The following EIF4G2 variants were observed in gnomAD, a reference collection of about 807,000 sequenced individuals.
EIF4G2 encodes DAP-5.
EIF4G2 carries 8 observed loss-of-function variants against 117.7 expected under a neutral mutation model. The observed-to-expected ratio is 0.07, with a 90% confidence interval of 0.04 to 0.12. The LOEUF is 0.12. Ranked by LOEUF, EIF4G2 falls within the 10% of genes least tolerant of loss-of-function variation. The pLI is 1.00. For synonymous variants in EIF4G2, 413 were observed against 367.8 expected, an observed-to-expected ratio of 1.12 and a Z score of -1.41; for missense variants, 812 against 1,086.2, an observed-to-expected ratio of 0.75 and a Z score of 3.55.
Position 10,803,387 on chromosome 11 carries a change from G to A in EIF4G2, c.813+93C>T. ...TTCTAAAATTATAACCCAGTTAATG[G>A]CTAAATATGGCAATCCCTTATGATG... On this transcript the variant is annotated intron_variant, in intron 9 of 21. Transcript: ENST00000339995. This position sits in a 1 kb window ranked among gnomAD's most constrained non-coding sequence, Gnocchi z 4.0. The A allele has an allele frequency of 6.5e-7, 1 of 1,549,152 alleles. No individual in the cohort carries two copies. The highest frequency in any genetic ancestry group is 2.2e-5 in the East Asian group (1 of 44,470).
chr11:10,799,856 G>T, intron 18 of EIF4G2, 100 bp from the exon 19 acceptor site: 1 of 1,380,884 alleles, frequency 7.2e-7, no homozygotes, highest in Non-Finnish European at 9.8e-7. Flanking sequence ...AAGTATGTAA[G>T]ATCCATGTAG....
At chr11:10,806,912 T>C in intron 2 of EIF4G2, 27 bp from the exon 3 acceptor site, 1 of 1,607,454 alleles carries the variant, frequency 6.2e-7, no homozygotes, top group Non-Finnish European at 8.5e-7. Flanking sequence ...AATTGTTTAC[T>C]GTATCCCAAC....
rs752567298 is a variant in EIF4G2, at chr11:10,808,384, T to C, written c.-87+321A>G. ...GTGCCTCCCGCCACGGCGCTAGCGG[T>C]CCGAGCCACGCTCCCTCGCCGTCCG... On this transcript the variant is annotated intron_variant, in intron 1 of 21. Coordinates refer to ENST00000339995, the MANE Select transcript of EIF4G2 (RefSeq NM_001418.4). 12 of 1,240,776 alleles carry C rather than the reference T, an allele frequency of 9.7e-6. No homozygotes were observed. In the South Asian group the frequency reaches 1.6e-4, roughly 16 times the overall value. The allele number at this position is 1,240,776 out of a possible 1,614,324, so 76.9% of individuals were successfully genotyped here.
At chr11:10,799,173 G>C in intron 20 of EIF4G2, 40 bp downstream of exon 20, 1 of 1,604,100 alleles carries the variant, frequency 6.2e-7, no homozygotes, top group Non-Finnish European at 8.5e-7. Flanking sequence ...TTCTGTTTAA[G>C]AACTTCCTCA....
Position 10,803,306 on chromosome 11 carries a change from A to G in EIF4G2, c.814-12T>C, listed in dbSNP as rs1418556824. ...TGATCCATTAAGGACTGATAAGAGA[A>G]GAATACATTCATTGGAAGAGCTAAA... On this transcript the variant is annotated splice_polypyrimidine_tract_variant and intron_variant, in intron 9 of 21. Transcript: ENST00000339995. The surrounding 1 kb of genome is among the most constrained non-coding windows in gnomAD (Gnocchi z 4.0). 3 of 1,611,310 alleles carry G rather than the reference A, an allele frequency of 1.9e-6. No homozygotes were observed. Among genetic ancestry groups the G allele is most frequent in the Non-Finnish European group, 2.5e-6 (3 of 1,179,036 alleles).
In EIF4G2 at chr11:10,804,321, G is replaced by A. The variant is rs144703339; in HGVS notation, c.449C>T (p.Ala150Val). 6.1e-5 allele frequency: 98 copies of A among 1,614,056 alleles called. No individual in the cohort carries two copies. The highest frequency in any genetic ancestry group is 5.9e-6 in the Non-Finnish European group (7 of 1,180,034). ...CTTCTGTCCTGGTTGACCCTCTGCT[G>A]CTGGGCCATCAAAGTTTGGTGCATC... Residue 150 changes from alanine to valine, a missense_variant, in exon 6 of 22, where the codon GCA becomes GTA. Around this residue, in one of 4 missense-constraint regions of EIF4G2, gnomAD observed 154 missense variants for 322.1 expected, o/e 0.48. Coordinates refer to ENST00000339995, the MANE Select transcript of EIF4G2 (RefSeq NM_001418.4).
chr11:10,808,430 C>A, intron 1 of EIF4G2: 1 of 1,261,470 alleles, frequency 7.9e-7, no homozygotes, highest in Non-Finnish European at 1.0e-6. Flanking sequence ...TGCCTCGGTC[C>A]GCCACGGCCT....
In EIF4G2 at chr11:10,803,672, C is replaced by A. The variant is rs1325261468; in HGVS notation, c.703-82G>T. 2.3e-6 allele frequency: 3 copies of A among 1,290,850 alleles called. No individual in the cohort carries two copies. The highest frequency in any genetic ancestry group is 1.5e-5 in the African/African-American group (1 of 68,288). 80.0% of individuals were successfully genotyped at this position (1,290,850 alleles called of 1,614,324 possible). The stretch of plus-strand genomic sequence containing the variant: ...TACTTTCTTTCCCTTTATGTTTGCA[C>A]TGACTCATTCACAGTTCCTACAGAA... On this transcript the variant is annotated intron_variant, in intron 8 of 21. Coordinates refer to ENST00000339995, the MANE Select transcript of EIF4G2 (RefSeq NM_001418.4). This position sits in a 1 kb window ranked among gnomAD's most constrained non-coding sequence, Gnocchi z 4.0.
intron 11 of EIF4G2, among the ~76,000 whole-genome samples, chr11:10,802,707 A>G (rs956386475): frequency 7.2e-5 from 11 of 152,138 alleles, no homozygotes; most frequent in African/African-American, 2.7e-4. Context: ...CTCTACTAAA[A>G]ATACAAAAAA....
At chr11:10,804,841 TA>T in intron 5 of EIF4G2, 71 bp downstream of exon 5, 1 of 1,324,430 alleles carries the variant, frequency 7.6e-7, no homozygotes, top group Non-Finnish European at 1.1e-6. Context: ...AATCCAAGTG[TA>T]AAAAAACACA....
In EIF4G2 at chr11:10,798,932, C is replaced by T. The variant is rs923202155; in HGVS notation, c.2658+60G>A. 2.6e-6 allele frequency: 4 copies of T among 1,557,382 alleles called. No individual in the cohort carries two copies. In the Admixed American group the frequency reaches 8.6e-5, roughly 34 times the overall value. On this transcript the variant is annotated intron_variant, in intron 21 of 21. Coordinates refer to ENST00000339995, the MANE Select transcript of EIF4G2 (RefSeq NM_001418.4). ...TATTTCAGTTGAAAAAGGCTCTTAA[C>T]TTGAAGTTAATACCAAGCAAACTGA...
At position 10,802,185 on chromosome 11, in the gene EIF4G2, C is replaced by G; in HGVS notation, c.1163G>C (p.Gly388Ala). ...GGGTGAAAATCTATCCTGGATAACT[C>G]CTGGACCAGTACCAATTCCGCTACC... The change falls in exon 13 of 22, where the codon GGA becomes GCA. Residue 388 changes from glycine to alanine, a missense_variant. By Grantham distance (60) the Gly-to-Ala change is moderately conservative. Transcript: ENST00000339995. 1.2e-6 allele frequency: 2 copies of G among 1,614,170 alleles called. No individual in the cohort carries two copies. The highest frequency in any genetic ancestry group is 1.7e-6 in the Non-Finnish European group (2 of 1,180,036).
Position 10,800,612 on chromosome 11 carries a change from A to C in EIF4G2, c.1680T>G (p.Asn560Lys). ...TTACACCATTGACAGCCTCATTTGCATTTCCACTATTTAGATATTCAGTCA... is the reference window on the plus strand; with the variant it reads ...TTACACCATTGACAGCCTCATTTGCCTTTCCACTATTTAGATATTCAGTCA... Residue 560 changes from asparagine (N) to lysine (K), a missense_variant, in exon 17 of 22, where the codon AAT becomes AAG. Asn to Lys is a moderately conservative substitution (Grantham distance 94). Coordinates refer to ENST00000339995, the MANE Select transcript of EIF4G2 (RefSeq NM_001418.4). 6.2e-7 allele frequency: 1 copy of C among 1,614,168 alleles called. No individual in the cohort carries two copies. Among genetic ancestry groups the C allele is most frequent in the Non-Finnish European group, 8.5e-7 (1 of 1,180,028 alleles).
At chr11:10,799,509 AG>A (rs780462659) in intron 19 of EIF4G2, 42 bp downstream of exon 19, 4 of 1,608,772 alleles carry the variant, frequency 2.5e-6, no homozygotes, top group Non-Finnish European at 3.4e-6. Context: ...CTTCTTTTCC[AG>A]TACATGAAAC....
chr11:10,807,023 T>A, intron 2 of EIF4G2, 138 bp from the exon 3 acceptor site: 1 of 1,163,172 alleles, frequency 8.6e-7, no homozygotes, highest in Non-Finnish European at 1.2e-6. Flanking sequence ...AGGCCTGTAT[T>A]TTAGTGCTTG....
At chr11:10,801,982 A>G in intron 13 of EIF4G2, 67 bp downstream of exon 13, 1 of 84,804 alleles carries the variant, frequency 1.2e-5, no homozygotes, top group Admixed American at 1.6e-4. Context: ...TTAAGGATAA[A>G]CATTTCAGTT....
intron 11 of EIF4G2, 76 bp from the exon 12 acceptor site, chr11:10,802,511 G>A (rs570284775): frequency 6.2e-6 from 9 of 1,457,874 alleles, no homozygotes; most frequent in Middle Eastern, 4.2e-4. Context: ...TTGCAACTAG[G>A]GGGGGAAACC....
chr11:10,808,626 G>T, intron 1 of EIF4G2, 79 bp downstream of exon 1: 2 of 514,276 alleles, frequency 3.9e-6, no homozygotes, highest in Non-Finnish European at 5.5e-6. Flanking sequence ...CCGCCATTTT[G>T]TACCACTCGA....
rs745590792 is a variant in EIF4G2 at position 10,804,427 on chromosome 11, A to G, written c.352-9T>C. 10 of 1,569,102 alleles carry G rather than the reference A, an allele frequency of 6.4e-6. No individual in the cohort carries two copies. The highest frequency in any genetic ancestry group is 1.4e-5 in the African/African-American group (1 of 72,646). ...AGGGCTTTGTCCACAATCTACAGAA[A>G]ATGTCATTGCTTAAACTAAATATGA... On this transcript the variant is annotated splice_polypyrimidine_tract_variant and intron_variant, in intron 5 of 21. Coordinates refer to ENST00000339995, the MANE Select transcript of EIF4G2 (RefSeq NM_001418.4).
Sources: allele counts gnomAD v4.1 joint callset (sites outside exome capture counted in the v4.1 genomes callset), GRCh38; gene constraint gnomAD v4.1.1; regional missense constraint gnomAD v4.1.1; non-coding constraint Gnocchi (gnomAD v3.1); transcripts MANE v1.5; gene names NCBI Gene and HGNC (gene_info 2026-07-23, HGNC 2026-07-21).